SLC35H1: variants seen among roughly 807,000 people sequenced by gnomAD.
SLC35H1 encodes the protein solute carrier family 35 member H1, also known as ovarian cancer-overexpressed gene 1 protein.
At chr20:46,348,068 C>G in the SLC35H1 span, 2 of 151,084 alleles carry the variant, frequency 1.3e-5, no homozygotes, top group East Asian at 3.9e-4. Context: ...CATGGTGATG[C>G]TGCAGCCCTG....
chr20:46,352,757 T>C, the SLC35H1 span: 4 of 154,780 alleles, frequency 2.6e-5, no homozygotes, highest in African/African-American at 9.7e-5. Context: ...AAGGAGATCC[T>C]AGCGGGATGA....
the SLC35H1 span, among the ~76,000 whole-genome samples, chr20:46,362,282 T>G: frequency 6.6e-6 from 1 of 152,202 alleles, no homozygotes; most frequent in Non-Finnish European, 1.5e-5. Flanking sequence ...TAAACAACTC[T>G]TTTTGAAATC....
chr20:46,355,260 G>C, the SLC35H1 span: 39 of 1,605,710 alleles, frequency 2.4e-5, no homozygotes, highest in Non-Finnish European at 3.3e-5. The surrounding 1 kb of genome is among the most constrained non-coding windows in gnomAD (Gnocchi z 4.8). Context: ...ATGGGGAGCA[G>C]TGGCAGCTAA....
At chr20:46,350,748 G>A in the SLC35H1 span, 1 of 1,613,708 alleles carries the variant, frequency 6.2e-7, no homozygotes. Context: ...TTCTGGAAGG[G>A]ACTCTGGGTT....
chr20:46,362,272 T>C, the SLC35H1 span, among the ~76,000 whole-genome samples: 1 of 151,942 alleles, frequency 6.6e-6, no homozygotes. Flanking sequence ...TTTAAAGGAG[T>C]AAACAACTCT....
At chr20:46,350,857 G>C in the SLC35H1 span, 6 of 1,614,090 alleles carry the variant, frequency 3.7e-6, no homozygotes, top group East Asian at 1.3e-4. Context: ...TGATCGCCCA[G>C]CAGATGAGCT....
chr20:46,361,651 C>G, the SLC35H1 span, among the ~76,000 whole-genome samples: 1 of 152,178 alleles, frequency 6.6e-6, no homozygotes, highest in Non-Finnish European at 1.5e-5. Flanking sequence ...CTGGCCCATA[C>G]CCACCAGACA....
the SLC35H1 span, chr20:46,350,752 C>A: frequency 6.2e-7 from 1 of 1,613,642 alleles, no homozygotes; most frequent in Non-Finnish European, 8.5e-7. Flanking sequence ...GGAAGGGACT[C>A]TGGGTTACCT....
At chr20:46,357,016 CCT>C in the SLC35H1 span, among the ~76,000 whole-genome samples, 1 of 152,128 alleles carries the variant, frequency 6.6e-6, no homozygotes, top group African/African-American at 2.4e-5. Flanking sequence ...CCCTGCCCAC[CCT>C]CTCAGTTCTC....
At chr20:46,355,422 G>A in the SLC35H1 span, 1 of 694,684 alleles carries the variant, frequency 1.4e-6, no homozygotes. The surrounding 1 kb of genome is among the most constrained non-coding windows in gnomAD (Gnocchi z 4.8). Context: ...AGCATGTAGG[G>A]CTGACGGTCA....
chr20:46,349,508 T>A, the SLC35H1 span: 3 of 152,268 alleles, frequency 2.0e-5, no homozygotes, highest in African/African-American at 7.2e-5. Context: ...CAGGCTTTAG[T>A]CTCTTAGTTG....
chr20:46,358,364 G>A, the SLC35H1 span: 568 of 1,606,732 alleles, frequency 3.5e-4, 1 homozygote, highest in African/African-American at 6.0e-3. Context: ...CCAGCACCCC[G>A]CCCCAGCAAG....
the SLC35H1 span, among the ~76,000 whole-genome samples, chr20:46,353,953 C>A: frequency 2.9e-4 from 44 of 152,184 alleles, no homozygotes; most frequent in African/African-American, 1.1e-3. Flanking sequence ...CTGCTTGAAA[C>A]TTAAATGGAT....
At chr20:46,360,129 G>C in the SLC35H1 span, among the ~76,000 whole-genome samples, 2 of 152,268 alleles carry the variant, frequency 1.3e-5, no homozygotes, top group South Asian at 2.1e-4. Flanking sequence ...ATCCATATAG[G>C]TGAAAGATTA....
At chr20:46,361,723 CAT>C in the SLC35H1 span, among the ~76,000 whole-genome samples, 1 of 152,210 alleles carries the variant, frequency 6.6e-6, no homozygotes, top group Admixed American at 6.5e-5. Flanking sequence ...TAGACACTGC[CAT>C]ATGTCACCTG....
the SLC35H1 span, among the ~76,000 whole-genome samples, chr20:46,360,012 A>G: frequency 6.6e-6 from 1 of 152,172 alleles, no homozygotes; most frequent in African/African-American, 2.4e-5. Context: ...AGCTTTGGAA[A>G]CCTGTGGCGG....
chr20:46,356,236 T>C, the SLC35H1 span, among the ~76,000 whole-genome samples: 4 of 152,170 alleles, frequency 2.6e-5, no homozygotes, highest in East Asian at 5.8e-4. Flanking sequence ...CCAGGCCACA[T>C]AGGGCTCTGC....
chr20:46,357,828 C>G, the SLC35H1 span: 7 of 1,596,982 alleles, frequency 4.4e-6, no homozygotes, highest in Non-Finnish European at 4.3e-6. Context: ...CTGCCCCCCA[C>G]CGGCTCCCTC....
At chr20:46,358,493 G>C in the SLC35H1 span, 5 of 1,614,066 alleles carry the variant, frequency 3.1e-6, no homozygotes, top group African/African-American at 5.3e-5. Flanking sequence ...CACATCGAGG[G>C]CCCACCTCCC....
Sources: allele counts gnomAD v4.1 joint callset (sites outside exome capture counted in the v4.1 genomes callset), GRCh38; gene constraint gnomAD v4.1.1; non-coding constraint Gnocchi (gnomAD v3.1); transcripts MANE v1.5; gene names NCBI Gene and HGNC (gene_info 2026-07-23, HGNC 2026-07-21).